The following FAM98B variants were observed in gnomAD, a reference collection of about 807,000 sequenced individuals.
The protein encoded by FAM98B is tRNA-splicing ligase complex subunit FAM98B.
In FAM98B, 32 loss-of-function variants were observed where a neutral mutation model predicts 43.9. The observed-to-expected ratio is 0.73, with a 90% CI of 0.55 to 0.98. The LOEUF (loss-of-function observed/expected upper bound fraction) is 0.98. FAM98B is among the 50% of genes least tolerant of loss of function. The pLI, the probability that FAM98B is intolerant of heterozygous loss-of-function variation, is 0.00. For missense variants in FAM98B, 514 were observed against 522.9 expected (o/e 0.98, Z 0.17); for synonymous variants, 190 against 174.0 (o/e 1.09, Z -0.72).
At chr15:38,464,003 G>C (rs771705989) in intron 1 of FAM98B, 29 bp from the exon 2 acceptor site, 7 of 1,571,380 alleles carry the variant, frequency 4.5e-6, no homozygotes, top group Non-Finnish European at 6.0e-6. Flanking sequence ...GGCTTATTTA[G>C]TTTTTAACTT....
chr15:38,477,568 A>G (rs1267436806), intron 6 of FAM98B, among the ~76,000 whole-genome samples: 1 of 152,194 alleles, frequency 6.6e-6, no homozygotes, highest in African/African-American at 2.4e-5. Context: ...AGATACAGAA[A>G]AGTGAAGAGT....
intron 1 of FAM98B, among the ~76,000 whole-genome samples, chr15:38,462,437 A>G (rs1162403050): frequency 6.6e-6 from 1 of 152,212 alleles, no homozygotes; most frequent in African/African-American, 2.4e-5. Flanking sequence ...AAATCCCTAC[A>G]AATTAAAGCT....
chr15:38,473,131 G>A (rs149803126), intron 4 of FAM98B, among the ~76,000 whole-genome samples: 46 of 152,250 alleles, frequency 3.0e-4, no homozygotes, highest in African/African-American at 1.1e-3. Context: ...AAAAATCAAT[G>A]TGCTGGTTAA....
intron 1 of FAM98B, 81 bp from the exon 2 acceptor site, chr15:38,463,951 G>A: frequency 4.6e-6 from 6 of 1,300,268 alleles, no homozygotes; most frequent in Middle Eastern, 5.5e-4. Context: ...AAAACAAGCA[G>A]CAGACCTTGA....
rs1443422857 is a variant in FAM98B, at chr15:38,454,184, C to A, written c.23C>A (p.Pro8His). ...ACCATGAGAGGGCCGGAGCCGGGTC[C>A]CCAACCGACGATGGAGGGAGACGTG... MRGPEPG[P>H]QPTMEGDVLD... The change falls in exon 1 of 8, where the codon CCC (proline) becomes CAC (histidine). Residue 8 changes from proline to histidine, a missense_variant. Transcript: ENST00000397609. 2 of 1,602,588 alleles carry A rather than the reference C, an allele frequency of 1.2e-6. No homozygotes were observed. The highest frequency in any genetic ancestry group is 2.3e-5 in the East Asian group (1 of 44,420).
intron 2 of FAM98B, among the ~76,000 whole-genome samples, chr15:38,464,857 C>T (rs1002417531): frequency 2.0e-5 from 3 of 152,180 alleles, no homozygotes; most frequent in African/African-American, 4.8e-5. Context: ...TCACCCCACC[C>T]TCCCAAGTAG....
Position 38,481,441 on chromosome 15 carries a change from C to T in FAM98B, c.879C>T (p.Thr293=), listed in dbSNP as rs377355881. The T allele has an allele frequency of 4.3e-5, 70 of 1,614,014 alleles. No homozygotes were observed. Among genetic ancestry groups the T allele is most frequent in the East Asian group, 1.8e-4 (8 of 44,892 alleles). ...RTSSGTSREK[T]ACAINKVLMG... Reference sequence around the variant, plus strand: ...GTAGTGGCACCAGCCGGGAGAAGACCGCATGTGCCATTAATAAGGTTGGTG... The same window carrying T: ...GTAGTGGCACCAGCCGGGAGAAGACTGCATGTGCCATTAATAAGGTTGGTG... The change falls in exon 7 of 8, where the codon ACC becomes ACT. Residue 293 remains threonine, a synonymous_variant. Coordinates refer to ENST00000397609, the MANE Select transcript of FAM98B (RefSeq NM_173611.4).
chr15:38,470,294 A>C lies in FAM98B; in HGVS notation c.420A>C (p.Leu140Phe). Reference protein sequence around the residue: ...LQNKKHKNSQLDKNSEVYQEV... With the variant: ...LQNKKHKNSQFDKNSEVYQEV... ...ACAAGAAACATAAAAATTCTCAATT[A>C]GATAAAAATAGTGAAGTTTATCAGG... Residue 140 changes from leucine to phenylalanine, a missense_variant, in exon 4 of 8, where the codon TTA becomes TTC. Around this residue, in one of 2 missense-constraint regions of FAM98B, gnomAD observed 469 missense variants for 451.8 expected, o/e 1.04. Transcript: ENST00000397609. 1 of 1,595,552 alleles carries C rather than the reference A, an allele frequency of 6.3e-7. No homozygotes were observed. Among genetic ancestry groups the C allele is most frequent in the Non-Finnish European group, 8.5e-7 (1 of 1,170,504 alleles).
rs1221300329 is a variant in FAM98B at position 38,464,194 on chromosome 15, G to T, written c.217+17G>T. 1.3e-6 allele frequency: 2 copies of T among 1,598,370 alleles called. No homozygotes were observed. Among genetic ancestry groups the T allele is most frequent in the Admixed American group, 3.4e-5 (2 of 58,536 alleles). On this transcript the variant is annotated intron_variant, in intron 2 of 7. Coordinates refer to ENST00000397609, the MANE Select transcript of FAM98B (RefSeq NM_173611.4). ...CGTCTGCTGGTATTGCCATTATGTT[G>T]TATTTACTTTTCTGTTTAATAGTAA...
intron 3 of FAM98B, among the ~76,000 whole-genome samples, chr15:38,469,726 C>T (rs1468734374): frequency 6.6e-6 from 1 of 151,616 alleles, no homozygotes; most frequent in Non-Finnish European, 1.5e-5. Context: ...TTCTCTTTTT[C>T]CTGGTAGTAT....
intron 1 of FAM98B, 127 bp downstream of exon 1, chr15:38,454,359 TC>T: frequency 1.1e-6 from 1 of 934,420 alleles, no homozygotes; most frequent in Non-Finnish European, 1.6e-6. Context: ...CCTGCCTCGA[TC>T]CCTCCGGCGC....
intron 2 of FAM98B, among the ~76,000 whole-genome samples, chr15:38,464,981 A>G (rs911621450): frequency 2.6e-5 from 4 of 152,234 alleles, no homozygotes. Context: ...TAATTACATT[A>G]TGAAATAAAG....
At chr15:38,465,513 A>C in intron 3 of FAM98B, 110 bp downstream of exon 3, 1 of 1,014,310 alleles carries the variant, frequency 9.9e-7, no homozygotes, top group Non-Finnish European at 1.4e-6. Context: ...AAGGGTTTTA[A>C]TATTTTACTT....
chr15:38,462,477 A>G (rs992771988), intron 1 of FAM98B, among the ~76,000 whole-genome samples: 3 of 152,230 alleles, frequency 2.0e-5, no homozygotes, highest in Non-Finnish European at 4.4e-5. Flanking sequence ...TGATATATTG[A>G]GTAGGTGGTT....
rs772896700 is a variant in FAM98B at position 38,454,165 on chromosome 15, A to G, written c.4A>G (p.Arg2Gly). The change falls in exon 1 of 8, where the codon AGA (arginine) becomes GGA (glycine). Residue 2 changes from arginine to glycine, a missense_variant. Physicochemically the swap from Arg to Gly is moderately radical, Grantham distance 125. Transcript: ENST00000397609. Reference sequence around the variant, plus strand: ...AACAGCTCTGGGCCAAAGGACCATGAGAGGGCCGGAGCCGGGTCCCCAACC... The same window carrying G: ...AACAGCTCTGGGCCAAAGGACCATGGGAGGGCCGGAGCCGGGTCCCCAACC... The part of the protein sequence containing the change: M[R>G]GPEPGPQPTM... 47 of 1,596,860 alleles carry G rather than the reference A, an allele frequency of 2.9e-5. No individual in the cohort carries two copies. The highest frequency in any genetic ancestry group is 3.8e-5 in the Non-Finnish European group (44 of 1,173,304).
intron 3 of FAM98B, 66 bp from the exon 4 acceptor site, chr15:38,470,161 T>G: frequency 8.1e-7 from 1 of 1,241,454 alleles, no homozygotes; most frequent in Non-Finnish European, 1.1e-6. Context: ...AGTGAATAAT[T>G]TCAGTGAAAT....
rs149112827 is a variant in FAM98B at position 38,454,169 on chromosome 15, G to A, written c.8G>A (p.Gly3Glu). 1,354 of 1,598,322 alleles carry A rather than the reference G, an allele frequency of 8.5e-4. 3 individuals are homozygous for A. The Middle Eastern group carries it at 8.6e-3, about 10-fold the overall frequency. The change falls in exon 1 of 8, where the codon GGG becomes GAG. Residue 3 changes from glycine to glutamate, a missense_variant. Coordinates refer to ENST00000397609, the MANE Select transcript of FAM98B (RefSeq NM_173611.4). MR[G>E]PEPGPQPTME... ...GCTCTGGGCCAAAGGACCATGAGAGGGCCGGAGCCGGGTCCCCAACCGACG... is the reference window on the plus strand; with the variant it reads ...GCTCTGGGCCAAAGGACCATGAGAGAGCCGGAGCCGGGTCCCCAACCGACG...
chr15:38,466,842 G>A (rs989007072), intron 3 of FAM98B, among the ~76,000 whole-genome samples: 14 of 152,102 alleles, frequency 9.2e-5, no homozygotes, highest in Admixed American at 1.3e-4. Context: ...AGAGAATATT[G>A]TGTCTCTGTT....
In FAM98B at chr15:38,465,473, TAATG is replaced by T. The variant is rs1299949922; in HGVS notation, c.352+73_352+76del. On this transcript the variant is annotated intron_variant, in intron 3 of 7. Coordinates refer to ENST00000397609, the MANE Select transcript of FAM98B (RefSeq NM_173611.4). Reference sequence around the variant, plus strand: ...TTATTATTTTCAAGTCAAGATTTATTAATGAAGCATTAGACATTTTGTATATTAA... The same window carrying T: ...TTATTATTTTCAAGTCAAGATTTATTAAGCATTAGACATTTTGTATATTAA... 55 of 1,375,536 alleles carry T rather than the reference TAATG, an allele frequency of 4.0e-5. No individual in the cohort carries two copies. The East Asian group carries it at 1.1e-3, about 29-fold the overall frequency. 85.2% of individuals were successfully genotyped at this position (1,375,536 alleles called of 1,614,324 possible).
Sources: gnomAD v4.1 joint callset for allele counts (sites outside exome capture counted in the v4.1 genomes callset) on GRCh38, gnomAD v4.1.1 for gene constraint, gnomAD v4.1.1 regional missense constraint, MANE v1.5 for transcripts, NCBI Gene and HGNC (gene_info 2026-07-23, HGNC 2026-07-21) for gene names.